Variants in MYCBP2 observed in about 807,000 individuals in gnomAD.
MYCBP2 encodes E3 ubiquitin-protein ligase MYCBP2.
Under a neutral mutation model 525.3 loss-of-function variants are expected in MYCBP2, and 120 were observed. The observed-to-expected ratio is 0.23, with a 90% CI of 0.20 to 0.27. The LOEUF (loss-of-function observed/expected upper bound fraction) is 0.27, where lower values mean the gene tolerates loss of function less well. Among genes scored for constraint, MYCBP2 ranks in the 10% least tolerant of loss-of-function variants. The pLI, the probability that MYCBP2 is intolerant of heterozygous loss-of-function variation, is 1.00. For missense variants in MYCBP2, 4,149 were observed against 5,657.1 expected, an observed-to-expected ratio of 0.73 and a Z score of 8.55; for synonymous variants, 1,894 against 1,955.8, an observed-to-expected ratio of 0.97 and a Z score of 0.83.
chr13:77,233,207 T>C lies in MYCBP2; in HGVS notation c.2686A>G (p.Arg896Gly), dbSNP rs747338506. ...AGCTGTGCTGGATGGGATCTGAGTC[T>C]GGCTAGAGCCTGTTCTCGATGGTTC... ...FMNHREQALARLRSHPAQLKH... is the reference protein window; with the variant it reads ...FMNHREQALAGLRSHPAQLKH... The change falls in exon 18 of 83, where the codon AGA becomes GGA. Residue 896 changes from arginine to glycine, a missense_variant. Arg to Gly is a moderately radical substitution (Grantham distance 125, BLOSUM62 -2). Around this residue, in one of 21 missense-constraint regions of MYCBP2, gnomAD observed 620 missense variants for 795.5 expected, o/e 0.78. Coordinates refer to ENST00000544440, the MANE Select transcript of MYCBP2 (RefSeq NM_015057.5). 1.2e-6 allele frequency: 2 copies of C among 1,613,774 alleles called. No individual in the cohort carries two copies. The highest frequency in any genetic ancestry group is 2.7e-5 in the African/African-American group (2 of 74,902).
intron 62 of MYCBP2, 39 bp from the exon 63 acceptor site, chr13:77,083,231 C>A: frequency 6.3e-7 from 1 of 1,580,418 alleles, no homozygotes; most frequent in Non-Finnish European, 8.6e-7. Context: ...AGTTTGTGTG[C>A]TGGAAGGAAT....
chr13:77,151,917 A>T (rs1260894743), intron 46 of MYCBP2, among the ~76,000 whole-genome samples: 1 of 152,210 alleles, frequency 6.6e-6, no homozygotes, highest in African/African-American at 2.4e-5. Context: ...ATACCACTTT[A>T]GTTCTTCAGC....
intron 47 of MYCBP2, 87 bp from the exon 48 acceptor site, chr13:77,146,304 T>C: frequency 4.7e-6 from 4 of 852,670 alleles, no homozygotes; most frequent in East Asian, 3.0e-5. Context: ...CAATAAATGG[T>C]TGTGAGACAA....
intron 17 of MYCBP2, among the ~76,000 whole-genome samples, chr13:77,238,898 AT>A (rs2068384459): frequency 6.6e-6 from 1 of 152,234 alleles, no homozygotes; most frequent in African/African-American, 2.4e-5. Context: ...TGGGAGGCTG[AT>A]CACCTGAGGT....
intron 55 of MYCBP2, among the ~76,000 whole-genome samples, chr13:77,112,101 T>C (rs2048919555): frequency 6.6e-6 from 1 of 151,932 alleles, no homozygotes; most frequent in South Asian, 2.1e-4. Flanking sequence ...ATCTTCTCTT[T>C]CCTCAAACTA....
At chr13:77,068,949 CT>C in intron 69 of MYCBP2, 118 bp from the exon 70 acceptor site, 1 of 978,646 alleles carries the variant, frequency 1.0e-6, no homozygotes, top group Non-Finnish European at 1.5e-6. Context: ...CAATTTAATA[CT>C]ATTCTCCCAG....
In MYCBP2 at chr13:77,196,113, G is replaced by T. The variant is rs867774556; in HGVS notation, c.3844-1869C>A. Among the ~76,000 whole-genome samples, 5 of 152,224 alleles carry T rather than the reference G, an allele frequency of 3.3e-5. No individual in the cohort carries two copies. The South Asian group carries it at 1.0e-3, about 32-fold the overall frequency. On this transcript the variant is annotated intron_variant, in intron 26 of 82. Coordinates refer to ENST00000544440, the MANE Select transcript of MYCBP2 (RefSeq NM_015057.5). ...ATGAAGCTCTGAAGGTGATGGGGAA[G>T]TGGGCTATGTAGGTGCTGAAGTGAA...
At chr13:77,294,131 C>CATATATATATAT in intron 2 of MYCBP2, among the ~76,000 whole-genome samples, 7 of 65,710 alleles carry the variant, frequency 1.1e-4, no homozygotes, top group South Asian at 5.4e-4. Flanking sequence ...TATATATATA[C>CATATATATATAT]ATATATATAT....
At chr13:77,157,655 C>T (rs991403927) in intron 45 of MYCBP2, among the ~76,000 whole-genome samples, 1 of 152,024 alleles carries the variant, frequency 6.6e-6, no homozygotes, top group Admixed American at 6.6e-5. Flanking sequence ...GAGGCTGAGG[C>T]ACAAGAATCG....
intron 7 of MYCBP2, 91 bp from the exon 8 acceptor site, chr13:77,268,028 G>T: frequency 1.4e-6 from 1 of 704,992 alleles, no homozygotes; most frequent in Non-Finnish European, 2.5e-6. Flanking sequence ...AGGTTTTTGA[G>T]GTACAATAAT....
rs1464772587 is a variant in MYCBP2, at chr13:77,168,524, C to T, written c.6018G>A (p.Gln2006=). The T allele has an allele frequency of 1.2e-6, 2 of 1,614,106 alleles. No individual in the cohort carries two copies. The highest frequency in any genetic ancestry group is 3.3e-5 in the Admixed American group (2 of 60,012). The part of the protein sequence containing the change: ...NQSTDSTTGN[Q]PEQGLSACTT... ...TACAAGCAGAGAGGCCCTGTTCAGG[C>T]TGGTTTCCTGTGGTGCTATCTGTCG... Residue 2006 remains glutamine (Q), a synonymous_variant, in exon 40 of 83, where the codon CAG becomes CAA. Coordinates refer to ENST00000544440, the MANE Select transcript of MYCBP2 (RefSeq NM_015057.5).
intron 3 of MYCBP2, among the ~76,000 whole-genome samples, chr13:77,280,594 T>C (rs2076088047): frequency 6.6e-6 from 1 of 152,222 alleles, no homozygotes; most frequent in Admixed American, 6.5e-5. Context: ...CTAAGGTTCA[T>C]TTATTATAGA....
chr13:77,224,670 G>C, intron 19 of MYCBP2, 138 bp from the exon 20 acceptor site: 1 of 503,618 alleles, frequency 2.0e-6, no homozygotes, highest in Non-Finnish European at 3.5e-6. Context: ...GGACAAATTT[G>C]TATTTAATGA....
intron 82 of MYCBP2, among the ~76,000 whole-genome samples, chr13:77,050,715 T>C (rs1463584257): frequency 2.0e-5 from 3 of 152,150 alleles, no homozygotes; most frequent in African/African-American, 7.2e-5. Flanking sequence ...TCATATGACT[T>C]TTTAGTGCTG....
chr13:77,060,095 T>G (rs1487513301), intron 76 of MYCBP2, among the ~76,000 whole-genome samples: 1 of 152,150 alleles, frequency 6.6e-6, no homozygotes, highest in Non-Finnish European at 1.5e-5. Context: ...CCTCAGGAAC[T>G]CTGCAATTTG....
Position 77,045,334 on chromosome 13 carries a change from G to A in MYCBP2, c.*44C>T. The stretch of plus-strand genomic sequence containing the variant: ...TAAACTTCACCGCATCCTCTTGGGG[G>A]ATGAAGGCAATTTTTCTCTCTGTAG... On this transcript the variant is annotated 3_prime_UTR_variant, in exon 83 of 83. Coordinates refer to ENST00000544440, the MANE Select transcript of MYCBP2 (RefSeq NM_015057.5). 1 of 1,423,902 alleles carries A rather than the reference G, an allele frequency of 7.0e-7. No homozygotes were observed. The allele number at this position is 1,423,902 out of a possible 1,614,324, so 88.2% of individuals were successfully genotyped here. A position where few individuals can be genotyped will look rare whatever the true frequency, so the allele number is the denominator to read the frequency against.
intron 44 of MYCBP2, among the ~76,000 whole-genome samples, chr13:77,160,242 G>A (rs889236356): frequency 6.6e-6 from 1 of 151,936 alleles, no homozygotes; most frequent in African/African-American, 2.4e-5. Flanking sequence ...AATGAGACGG[G>A]GTTTCTTTTG....
chr13:77,057,235 G>A (rs1236469644), intron 78 of MYCBP2, 142 bp from the exon 79 acceptor site: 1 of 587,198 alleles, frequency 1.7e-6, no homozygotes, highest in Non-Finnish European at 3.0e-6. Flanking sequence ...AATTCATTGG[G>A]ACACTGAAAT....
intron 44 of MYCBP2, 29 bp downstream of exon 44, chr13:77,161,877 G>A (rs2057971134): frequency 1.3e-6 from 2 of 1,571,052 alleles, no homozygotes; most frequent in Non-Finnish European, 1.7e-6. Context: ...AATGTACAAA[G>A]TTTATCCTTA....
Sources: allele counts gnomAD v4.1 joint callset (sites outside exome capture counted in the v4.1 genomes callset), GRCh38; gene constraint gnomAD v4.1.1; regional missense constraint gnomAD v4.1.1; transcripts MANE v1.5; gene names NCBI Gene and HGNC (gene_info 2026-07-23, HGNC 2026-07-21).